Variants in ENPP1 observed in about 807,000 individuals in gnomAD.
The protein encoded by ENPP1 is ectonucleotide pyrophosphatase/phosphodiesterase family member 1.
A neutral mutation model predicts 122.8 loss-of-function variants in ENPP1; 73 were observed. The observed-to-expected ratio is 0.59, with a 90% confidence interval of 0.49 to 0.72. The LOEUF is 0.72. Among genes scored for constraint, ENPP1 ranks in the 30% least tolerant of loss-of-function variants. The pLI, the probability that ENPP1 is intolerant of heterozygous loss-of-function variation, is 0.00. For synonymous variants in ENPP1, 367 were observed against 391.6 expected, an observed-to-expected ratio of 0.94 and a Z score of 0.74; for missense variants, 978 against 1,128.1, an observed-to-expected ratio of 0.87 and a Z score of 1.91.
chr6:131,882,614 A>T (rs1463694941), intron 21 of ENPP1, 140 bp downstream of exon 21: 1 of 176,868 alleles, frequency 5.7e-6, no homozygotes, highest in Non-Finnish European at 1.1e-5. Flanking sequence ...TATATATATT[A>T]TATATATAAT....
In ENPP1 at chr6:131,822,728, T is replaced by C. The variant is rs79145747; in HGVS notation, c.240+14453T>C. Among the ~76,000 whole-genome samples, 102 of 152,322 alleles carry C rather than the reference T, an allele frequency of 6.7e-4. 1 individual carries two copies. The East Asian group carries it at 0.016, about 24-fold the overall frequency. ...TAGGATTTTGAGACTTTTATTTTAGTATCCTCAATTCAGTAGGTAATCTTT... is the reference window on the plus strand; with the variant it reads ...TAGGATTTTGAGACTTTTATTTTAGCATCCTCAATTCAGTAGGTAATCTTT... On this transcript the variant is annotated intron_variant, in intron 1 of 24. Transcript: ENST00000647893.
intron 1 of ENPP1, among the ~76,000 whole-genome samples, chr6:131,842,676 AC>A (rs1257520059): frequency 1.3e-5 from 2 of 152,028 alleles, no homozygotes; most frequent in Non-Finnish European, 2.9e-5. Context: ...ACATGTTTCT[AC>A]TGAAGTCCAT....
chr6:131,886,926 C>CTTT (rs60409660), intron 24 of ENPP1, among the ~76,000 whole-genome samples: 1 of 110,638 alleles, frequency 9.0e-6, no homozygotes, highest in Non-Finnish European at 1.9e-5. Context: ...TTACTTTTTT[C>CTTT]TTTTTTTTTT....
Position 131,882,363 on chromosome 6 carries a change from G to A in ENPP1, c.2119G>A (p.Asp707Asn). The A allele has an allele frequency of 1.2e-6, 2 of 1,604,050 alleles. No homozygotes were observed. The highest frequency in any genetic ancestry group is 1.1e-5 in the South Asian group (1 of 90,956). The change falls in exon 21 of 25, where the codon GAC (aspartate) becomes AAC (asparagine). Residue 707 changes from aspartate (D) to asparagine (N), a missense_variant. Transcript: ENST00000647893. ...VDRNDSFSTE[D>N]FSNCLYQDFR... ...TCTTCAGGACAGTTTCTCTACGGAA[G>A]ACTTCTCCAACTGTCTGTACCAGGA...
At chr6:131,823,788 G>A (rs1781509890) in intron 1 of ENPP1, among the ~76,000 whole-genome samples, 1 of 152,092 alleles carries the variant, frequency 6.6e-6, no homozygotes, top group Admixed American at 6.6e-5. Flanking sequence ...GAGTGCTGGA[G>A]TGTAAATCGC....
intron 1 of ENPP1, among the ~76,000 whole-genome samples, chr6:131,847,150 A>C (rs1324262426): frequency 1.3e-5 from 2 of 152,180 alleles, no homozygotes; most frequent in Non-Finnish European, 2.9e-5. Flanking sequence ...ACATGTGAGG[A>C]TGTTAGGTTT....
rs573531255 is a variant in ENPP1 at position 131,879,963 on chromosome 6, C to A, written c.2029C>A (p.His677Asn). ...AAACACCATCTGTCTTCTTTCCCAG[C>A]ACCAGTTTATGAGTGGATACAGCCA... ...KENTICLLSQ[H>N]QFMSGYSQDI... The change falls in exon 20 of 25, where the codon CAC becomes AAC. Residue 677 changes from histidine (H) to asparagine (N), a missense_variant. Around this residue, in one of 3 missense-constraint regions of ENPP1, gnomAD observed 644 missense variants for 781.5 expected, o/e 0.82. Transcript: ENST00000647893. The A allele has an allele frequency of 3.7e-6, 6 of 1,613,860 alleles. No individual in the cohort carries two copies. The African/African-American group carries it at 8.0e-5, about 22-fold the overall frequency.
In ENPP1 at chr6:131,893,045, G is replaced by A. The variant is rs1660990176; in HGVS notation, c.*2534G>A. On this transcript the variant is annotated 3_prime_UTR_variant, in exon 25 of 25. Coordinates refer to ENST00000647893, the MANE Select transcript of ENPP1 (RefSeq NM_006208.3). ...CCCCAATGTTCCTAGCCTATTTTCTGTCTACTATTCAGAGTCTTGCTGTGT... is the reference window on the plus strand; with the variant it reads ...CCCCAATGTTCCTAGCCTATTTTCTATCTACTATTCAGAGTCTTGCTGTGT... 6.6e-6 allele frequency: 1 copy of A among 152,124 alleles called. No homozygotes were observed. The highest frequency in any genetic ancestry group is 2.4e-5 in the African/African-American group (1 of 41,412). 9.4% of individuals were successfully genotyped at this position (152,124 alleles called of 1,614,324 possible).
intron 1 of ENPP1, among the ~76,000 whole-genome samples, chr6:131,824,442 TTTG>T (rs140923936): frequency 1.0e-3 from 135 of 132,442 alleles, no homozygotes; most frequent in Middle Eastern, 4.1e-3. Flanking sequence ...CCAGGCAGGA[TTTG>T]TTGTTGTTGT....
chr6:131,854,856 G>T, intron 5 of ENPP1, 70 bp from the exon 6 acceptor site: 2 of 1,033,528 alleles, frequency 1.9e-6, no homozygotes, highest in South Asian at 2.5e-5. Context: ...GCCAAGAAGG[G>T]GGTACATCTT....
At chr6:131,862,269 T>A (rs534857005) in intron 9 of ENPP1, among the ~76,000 whole-genome samples, 1 of 152,230 alleles carries the variant, frequency 6.6e-6, no homozygotes, top group Non-Finnish European at 1.5e-5. Context: ...TTAGTTCAGA[T>A]CTTCGGGCAG....
At chr6:131,885,100 T>C (rs751778758) in intron 23 of ENPP1, 37 bp downstream of exon 23, 4 of 1,601,828 alleles carry the variant, frequency 2.5e-6, no homozygotes, top group Non-Finnish European at 8.5e-7. Flanking sequence ...AAATAGGAAT[T>C]ACCATCCAGT....
chr6:131,823,217 G>A (rs558157385), intron 1 of ENPP1, among the ~76,000 whole-genome samples: 3 of 151,972 alleles, frequency 2.0e-5, no homozygotes, highest in African/African-American at 7.3e-5. Context: ...CTATTTGTCC[G>A]GCCCTATGCT....
chr6:131,883,842 G>A, intron 22 of ENPP1, 68 bp downstream of exon 22: 2 of 808,524 alleles, frequency 2.5e-6, no homozygotes, highest in Non-Finnish European at 4.4e-6. Flanking sequence ...TAATTCATAT[G>A]TAATAGGACT....
chr6:131,829,638 A>G (rs1227871379), intron 1 of ENPP1, among the ~76,000 whole-genome samples: 1 of 152,246 alleles, frequency 6.6e-6, no homozygotes, highest in Non-Finnish European at 1.5e-5. Context: ...AATATAGGAA[A>G]CAAATACCAA....
In ENPP1 at chr6:131,891,667, T is replaced by C. The variant is rs947513228; in HGVS notation, c.*1156T>C. 6.6e-6 allele frequency: 1 copy of C among 152,142 alleles called. No individual in the cohort carries two copies. Among genetic ancestry groups the C allele is most frequent in the East Asian group, 1.9e-4 (1 of 5,194 alleles). 9.4% of individuals were successfully genotyped at this position (152,142 alleles called of 1,614,324 possible). ...TATATGTCCTTCGTGTGACCATTCTTCAACGGCCTAAGGGCCAGCTGCAAA... is the reference window on the plus strand; with the variant it reads ...TATATGTCCTTCGTGTGACCATTCTCCAACGGCCTAAGGGCCAGCTGCAAA... On this transcript the variant is annotated 3_prime_UTR_variant, in exon 25 of 25. Coordinates refer to ENST00000647893, the MANE Select transcript of ENPP1 (RefSeq NM_006208.3).
intron 1 of ENPP1, among the ~76,000 whole-genome samples, chr6:131,816,148 G>C (rs182795474): frequency 4.6e-4 from 70 of 152,224 alleles, no homozygotes; most frequent in Middle Eastern, 3.4e-3. Flanking sequence ...AAATATTTGT[G>C]TGACATTTAA....
chr6:131,818,080 CT>C (rs1304855462), intron 1 of ENPP1, among the ~76,000 whole-genome samples: 1 of 152,018 alleles, frequency 6.6e-6, no homozygotes, highest in South Asian at 2.1e-4. Context: ...GCTTAGAAAG[CT>C]TTTTTTGACG....
intron 17 of ENPP1, among the ~76,000 whole-genome samples, chr6:131,876,712 T>C (rs1020528626): frequency 6.6e-6 from 1 of 152,200 alleles, no homozygotes; most frequent in African/African-American, 2.4e-5. Context: ...GTTAGTACCA[T>C]GATTGGCAAA....
Sources: gnomAD v4.1 joint callset for allele counts (sites outside exome capture counted in the v4.1 genomes callset) on GRCh38, gnomAD v4.1.1 for gene constraint, gnomAD v4.1.1 regional missense constraint, MANE v1.5 for transcripts, NCBI Gene and HGNC (gene_info 2026-07-23, HGNC 2026-07-21) for gene names.